Variants in EYA1 observed in about 807,000 individuals in gnomAD.
The protein encoded by EYA1 is EYA transcriptional coactivator and phosphatase 1, also known as protein phosphatase EYA1.
EYA1 carries 16 observed loss-of-function variants against 82.0 expected under a neutral mutation model. The observed-to-expected ratio is 0.20, with a 90% confidence interval of 0.13 to 0.30. EYA1 has a LOEUF of 0.30. Ranked by LOEUF, EYA1 falls within the 10% of genes least tolerant of loss-of-function variation. The probability of loss-of-function intolerance (pLI) is 1.00; values close to 1 mark genes in which losing one functional copy is unlikely to be tolerated. For synonymous variants in EYA1, 261 were observed against 264.4 expected (o/e 0.99, Z 0.12); for missense variants, 633 against 730.7 (o/e 0.87, Z 1.54).
intron 2 of EYA1, among the ~76,000 whole-genome samples, chr8:71,482,129 G>T (rs1392968978): frequency 2.0e-5 from 3 of 151,958 alleles, no homozygotes; most frequent in Non-Finnish European, 2.9e-5. Context: ...TGAGGAGAAG[G>T]TATTCACAAG....
At chr8:71,465,584 T>C (rs963520805) in intron 2 of EYA1, among the ~76,000 whole-genome samples, 5 of 152,088 alleles carry the variant, frequency 3.3e-5, no homozygotes, top group African/African-American at 1.2e-4. Context: ...GATTGAGCCA[T>C]ACACTCCAGC....
At chr8:71,335,166 G>C (rs546165506) in intron 3 of EYA1, among the ~76,000 whole-genome samples, 3 of 152,136 alleles carry the variant, frequency 2.0e-5, no homozygotes, top group Non-Finnish European at 4.4e-5. Flanking sequence ...AATATTTTAA[G>C]GGATACCTAA....
chr8:71,496,586 G>C (rs1811430372), intron 2 of EYA1, among the ~76,000 whole-genome samples: 1 of 152,184 alleles, frequency 6.6e-6, no homozygotes, highest in Non-Finnish European at 1.5e-5. Context: ...GCTACCCACA[G>C]AGCGAATATA....
intron 9 of EYA1, among the ~76,000 whole-genome samples, chr8:71,294,432 C>T (rs1819370475): frequency 6.6e-6 from 1 of 151,122 alleles, no homozygotes. Flanking sequence ...GCCCTCCAGC[C>T]TGGGCGACAA....
intron 10 of EYA1, chr8:71,270,073 T>C (rs2128948717): frequency 2.4e-6 from 1 of 408,962 alleles, no homozygotes; most frequent in Non-Finnish European, 4.5e-6. Flanking sequence ...ATAATCTATG[T>C]CCTTTCTAAT....
chr8:71,256,999 CA>C (rs59906012), intron 11 of EYA1, among the ~76,000 whole-genome samples: 15,256 of 146,050 alleles, frequency 0.1, 852 homozygotes, highest in African/African-American at 0.14. Flanking sequence ...AACTCCATCT[CA>C]AAAAAAAAAT....
chr8:71,199,474 C>T, intron 17 of EYA1, 54 bp from the exon 18 acceptor site: 2 of 1,385,932 alleles, frequency 1.4e-6, no homozygotes, highest in South Asian at 1.2e-5. Context: ...GCCAGCCCTG[C>T]CAGCTTTTTT....
At chr8:71,358,592 G>A (rs1563529255) in intron 1 of EYA1, among the ~76,000 whole-genome samples, 2 of 152,176 alleles carry the variant, frequency 1.3e-5, no homozygotes, top group Non-Finnish European at 2.9e-5. Context: ...GAATGCGAAT[G>A]CAGACAACAA....
At chr8:71,492,182 G>A (rs1447504452) in intron 2 of EYA1, among the ~76,000 whole-genome samples, 1 of 152,174 alleles carries the variant, frequency 6.6e-6, no homozygotes, top group Non-Finnish European at 1.5e-5. Flanking sequence ...CTAAAAATGG[G>A]CCTCGGTAAC....
intron 2 of EYA1, among the ~76,000 whole-genome samples, chr8:71,500,807 C>G (rs1811758351): frequency 1.3e-5 from 2 of 152,072 alleles, no homozygotes; most frequent in Admixed American, 6.6e-5. Context: ...CTTATTATGA[C>G]TTTATTTCTA....
At chr8:71,385,717 T>C (rs1483406205) in intron 2 of EYA1, among the ~76,000 whole-genome samples, 16 of 152,196 alleles carry the variant, frequency 1.1e-4, no homozygotes, top group Admixed American at 1.0e-3. Context: ...TTTAACGCAA[T>C]GTTTTTCCAG....
chr8:71,486,016 G>T (rs1314974602), intron 2 of EYA1, among the ~76,000 whole-genome samples: 1 of 152,170 alleles, frequency 6.6e-6, no homozygotes, highest in African/African-American at 2.4e-5. Flanking sequence ...AGTTTAATTA[G>T]CACCAACAGT....
intron 2 of EYA1, among the ~76,000 whole-genome samples, chr8:71,519,580 C>T (rs1813233930): frequency 6.6e-6 from 1 of 151,602 alleles, no homozygotes; most frequent in African/African-American, 2.4e-5. Context: ...GAACTTTATG[C>T]TCAGTCTGGT....
intron 2 of EYA1, among the ~76,000 whole-genome samples, chr8:71,437,413 G>T: frequency 6.6e-6 from 1 of 151,844 alleles, no homozygotes; most frequent in East Asian, 1.9e-4. Flanking sequence ...GGAACCCAAA[G>T]ATCAGCCTCT....
intron 2 of EYA1, among the ~76,000 whole-genome samples, chr8:71,499,467 G>C (rs1315638586): frequency 6.6e-6 from 1 of 152,202 alleles, no homozygotes; most frequent in Non-Finnish European, 1.5e-5. Flanking sequence ...TCAGTTACTA[G>C]ATGACGGAGC....
intron 2 of EYA1, among the ~76,000 whole-genome samples, chr8:71,432,396 T>C (rs1464772189): frequency 2.6e-5 from 4 of 152,206 alleles, no homozygotes; most frequent in African/African-American, 9.6e-5. Context: ...CTATATTAAA[T>C]AGGACAGTGT....
intron 17 of EYA1, among the ~76,000 whole-genome samples, chr8:71,208,120 C>T (rs2128824935): frequency 6.6e-6 from 1 of 152,272 alleles, no homozygotes; most frequent in Admixed American, 6.5e-5. Flanking sequence ...TGAACCTCAG[C>T]CTGTTTCCAG....
At chr8:71,454,477 C>A (rs1807703891) in intron 2 of EYA1, among the ~76,000 whole-genome samples, 1 of 152,206 alleles carries the variant, frequency 6.6e-6, no homozygotes, top group South Asian at 2.1e-4. Flanking sequence ...TTCTTCTCAG[C>A]ACCACATCAC....
rs975383951 is a variant in EYA1, at chr8:71,508,919, A to T, written c.33+26825T>A. On this transcript the variant is annotated intron_variant, in intron 2 of 18. Transcript: ENST00000643681. The stretch of plus-strand genomic sequence containing the variant: ...TATGTTACTATTCTATATTTTTATC[A>T]TAAAAATATATTTTGGTTTGTGCCA... 2.0e-5 allele frequency among the ~76,000 whole-genome samples: 3 copies of T among 152,190 alleles called. No homozygotes were observed. The East Asian group carries it at 5.8e-4, about 29-fold the overall frequency.
Sources: gnomAD v4.1 joint callset for allele counts (sites outside exome capture counted in the v4.1 genomes callset) on GRCh38, gnomAD v4.1.1 for gene constraint, MANE v1.5 for transcripts, NCBI Gene and HGNC (gene_info 2026-07-23, HGNC 2026-07-21) for gene names.